CTNND2: variants seen among roughly 807,000 people sequenced by gnomAD.
CTNND2 encodes the protein catenin delta-2.
CTNND2 carries 22 observed loss-of-function variants against 144.4 expected under a neutral mutation model. The observed-to-expected ratio is 0.15, with a 90% confidence interval of 0.11 to 0.22. The LOEUF (loss-of-function observed/expected upper bound fraction) is 0.22, where lower values mean the gene tolerates loss of function less well. Among genes scored for constraint, CTNND2 ranks in the 10% least tolerant of loss-of-function variants. The pLI is 1.00. For missense variants in CTNND2, 1,353 were observed against 1,618.8 expected, an observed-to-expected ratio of 0.84 and a Z score of 2.82; for synonymous variants, 751 against 695.6, an observed-to-expected ratio of 1.08 and a Z score of -1.25.
intron 2 of CTNND2, among the ~76,000 whole-genome samples, chr5:11,589,286 C>A (rs1779085680): frequency 6.8e-6 from 1 of 147,690 alleles, no homozygotes; most frequent in Non-Finnish European, 1.5e-5. Flanking sequence ...CATTAAAACA[C>A]ACACACACAC....
intron 1 of CTNND2, among the ~76,000 whole-genome samples, chr5:11,765,312 C>T (rs1789518746): frequency 6.6e-6 from 1 of 152,160 alleles, no homozygotes; most frequent in Non-Finnish European, 1.5e-5. Context: ...AGAAGCCGCT[C>T]AGGGGGAAGG....
chr5:11,075,355 G>T (rs1412464033), intron 16 of CTNND2, among the ~76,000 whole-genome samples: 1 of 152,232 alleles, frequency 6.6e-6, no homozygotes, highest in African/African-American at 2.4e-5. Context: ...GTGAAAAGTG[G>T]ATTATAGAAT....
intron 1 of CTNND2, among the ~76,000 whole-genome samples, chr5:11,802,602 G>GT (rs1468286484): frequency 6.6e-6 from 1 of 151,750 alleles, no homozygotes; most frequent in Non-Finnish European, 1.5e-5. Flanking sequence ...ATCATACTAT[G>GT]TAAGTATTTC....
chr5:11,412,960 C>G (rs1304433895), intron 3 of CTNND2, among the ~76,000 whole-genome samples: 1 of 151,998 alleles, frequency 6.6e-6, no homozygotes, highest in Non-Finnish European at 1.5e-5. Context: ...TAGTCTGTAC[C>G]TTAGAGGTGG....
intron 2 of CTNND2, among the ~76,000 whole-genome samples, chr5:11,662,558 C>T (rs1438589688): frequency 6.6e-6 from 1 of 151,982 alleles, no homozygotes; most frequent in African/African-American, 2.4e-5. Context: ...TGGTGTCCAC[C>T]CAGATTAAGG....
At chr5:11,163,921 C>T (rs1759039046) in intron 11 of CTNND2, among the ~76,000 whole-genome samples, 1 of 152,140 alleles carries the variant, frequency 6.6e-6, no homozygotes, top group South Asian at 2.1e-4. Flanking sequence ...CAAATCACCA[C>T]ACAGGGGCTT....
At chr5:11,714,319 T>C (rs1315039048) in intron 2 of CTNND2, among the ~76,000 whole-genome samples, 1 of 152,182 alleles carries the variant, frequency 6.6e-6, no homozygotes, top group East Asian at 1.9e-4. Context: ...TTTTTTTTTA[T>C]GACCAGCTCC....
At chr5:11,366,830 C>T (rs879637427) in intron 7 of CTNND2, among the ~76,000 whole-genome samples, 6 of 152,144 alleles carry the variant, frequency 3.9e-5, no homozygotes, top group Non-Finnish European at 7.3e-5. Context: ...ATCTGCTGAA[C>T]TTTTAAGTGG....
intron 2 of CTNND2, among the ~76,000 whole-genome samples, chr5:11,675,481 C>A (rs1784125643): frequency 6.6e-6 from 1 of 152,150 alleles, no homozygotes; most frequent in Non-Finnish European, 1.5e-5. Context: ...TGGGGCAGTT[C>A]TTGTTCCTCA....
chr5:11,749,329 T>C (rs1426878722), intron 1 of CTNND2, among the ~76,000 whole-genome samples: 1 of 152,070 alleles, frequency 6.6e-6, no homozygotes. Context: ...AGATAACTAA[T>C]ATTGAGCGTA....
intron 1 of CTNND2, among the ~76,000 whole-genome samples, chr5:11,793,500 T>C (rs1427238113): frequency 2.0e-5 from 3 of 152,146 alleles, no homozygotes; most frequent in Admixed American, 2.0e-4. Context: ...TGGAGTAGGG[T>C]GAGCTCCTAA....
At chr5:11,788,799 G>C (rs1790980346) in intron 1 of CTNND2, among the ~76,000 whole-genome samples, 1 of 151,716 alleles carries the variant, frequency 6.6e-6, no homozygotes, top group African/African-American at 2.4e-5. Context: ...ATTTACATTA[G>C]GTATATCTCC....
At chr5:11,811,609 T>C (rs925261374) in intron 1 of CTNND2, among the ~76,000 whole-genome samples, 2 of 152,138 alleles carry the variant, frequency 1.3e-5, no homozygotes, top group African/African-American at 2.4e-5. Flanking sequence ...GATGCCCTAG[T>C]TTTATATTAC....
intron 2 of CTNND2, among the ~76,000 whole-genome samples, chr5:11,687,239 C>T (rs1439703647): frequency 6.6e-6 from 1 of 152,172 alleles, no homozygotes; most frequent in East Asian, 1.9e-4. Flanking sequence ...CAATCTCATC[C>T]CTGACCTTTG....
At chr5:11,551,315 A>T (rs1775738311) in intron 3 of CTNND2, among the ~76,000 whole-genome samples, 1 of 149,986 alleles carries the variant, frequency 6.7e-6, no homozygotes, top group Non-Finnish European at 1.5e-5. Flanking sequence ...AATATTTTGC[A>T]TCCCTGACAA....
chr5:11,269,424 T>A (rs555047767), intron 9 of CTNND2, among the ~76,000 whole-genome samples: 1 of 152,146 alleles, frequency 6.6e-6, no homozygotes, highest in Non-Finnish European at 1.5e-5. Flanking sequence ...TTATTGATCT[T>A]ACCAAAATAG....
At chr5:11,424,698 T>C (rs1173208271) in intron 3 of CTNND2, among the ~76,000 whole-genome samples, 1 of 152,228 alleles carries the variant, frequency 6.6e-6, no homozygotes, top group Non-Finnish European at 1.5e-5. Flanking sequence ...AGTGGTTTTA[T>C]ACCACTGTGT....
chr5:11,884,259 T>C (rs1327874886), intron 1 of CTNND2, among the ~76,000 whole-genome samples: 1 of 152,238 alleles, frequency 6.6e-6, no homozygotes, highest in Non-Finnish European at 1.5e-5. Flanking sequence ...CCCATGCCTA[T>C]CTCCTCAATG....
At chr5:11,698,281 C>T (rs1212690098) in intron 2 of CTNND2, among the ~76,000 whole-genome samples, 2 of 143,036 alleles carry the variant, frequency 1.4e-5, no homozygotes, top group South Asian at 2.1e-4. Flanking sequence ...TAAAGCAACA[C>T]ATTATTATTT....
Sources: gnomAD v4.1 joint callset for allele counts (sites outside exome capture counted in the v4.1 genomes callset) on GRCh38, gnomAD v4.1.1 for gene constraint, MANE v1.5 for transcripts, NCBI Gene and HGNC (gene_info 2026-07-23, HGNC 2026-07-21) for gene names.